Variants in CD300LF observed in about 807,000 individuals in gnomAD.
The protein encoded by CD300LF is CMRF35-like molecule 1.
In CD300LF, 27 loss-of-function variants were observed where a neutral mutation model predicts 32.2. The observed-to-expected ratio is 0.84, with a 90% confidence interval of 0.62 to 1.15. The LOEUF (loss-of-function observed/expected upper bound fraction) is 1.15. Among genes scored for constraint, CD300LF ranks in the 50% most tolerant of loss-of-function variants. The pLI is 0.00. For synonymous variants in CD300LF, 139 were observed against 143.2 expected, an observed-to-expected ratio of 0.97 and a Z score of 0.21; for missense variants, 348 against 356.8, an observed-to-expected ratio of 0.98 and a Z score of 0.20.
rs549266491 is a variant in CD300LF at position 74,702,200 on chromosome 17, G to A, written c.446+835C>T. ...TTGGCAGATCTAAAAACAAAGTCAA[G>A]AGGGCCAAGGAGAGTGAAAGGAAGA... On this transcript the variant is annotated intron_variant, in intron 3 of 6. Transcript: ENST00000326165. Among the ~76,000 whole-genome samples, 192 of 152,208 alleles carry A rather than the reference G, an allele frequency of 1.3e-3. 3 individuals carry two copies. Among genetic ancestry groups the A allele is most frequent in the Middle Eastern group, 0.01 (3 of 294 alleles).
intron 5 of CD300LF, 54 bp from the exon 6 acceptor site, chr17:74,695,913 T>C (rs1598202967): frequency 6.3e-7 from 1 of 1,580,482 alleles, no homozygotes; most frequent in African/African-American, 1.3e-5. Flanking sequence ...TGGACACAGG[T>C]TCCTTTTCCA....
At chr17:74,709,687 T>G (rs2033805630) in intron 1 of CD300LF, among the ~76,000 whole-genome samples, 2 of 151,914 alleles carry the variant, frequency 1.3e-5, no homozygotes, top group Admixed American at 1.3e-4. Context: ...TGCTGTAACC[T>G]CTTATGTAGC....
intron 3 of CD300LF, among the ~76,000 whole-genome samples, chr17:74,699,050 C>T (rs1171760684): frequency 2.6e-5 from 4 of 151,970 alleles, no homozygotes; most frequent in African/African-American, 7.3e-5. Context: ...TCCCAAGTAG[C>T]GGGGATTACA....
At chr17:74,703,278 A>G in intron 2 of CD300LF, 180 bp from the exon 3 acceptor site, 1 of 650,552 alleles carries the variant, frequency 1.5e-6, no homozygotes, top group Non-Finnish European at 2.6e-6. Context: ...AGCCTGGACC[A>G]CTCATGTCTC....
chr17:74,704,328 C>T, intron 2 of CD300LF, 150 bp downstream of exon 2: 1 of 635,734 alleles, frequency 1.6e-6, no homozygotes, highest in East Asian at 2.7e-5. Flanking sequence ...GGCCCTGCTC[C>T]CCCAGTCCCA....
In CD300LF at chr17:74,699,690, C is replaced by T. The variant is rs2032857893; in HGVS notation, c.447-1209G>A. On this transcript the variant is annotated intron_variant, in intron 3 of 6. Transcript: ENST00000326165. The stretch of plus-strand genomic sequence containing the variant: ...CTGGTGACACCTTGATTTCCAATTC[C>T]TGGCCTCCTTAGCTGTGAGAGAACG... Among the ~76,000 whole-genome samples, 3 of 152,174 alleles carry T rather than the reference C, an allele frequency of 2.0e-5. No homozygotes were observed. In the South Asian group the frequency reaches 6.2e-4, roughly 32 times the overall value.
chr17:74,706,576 G>C (rs145978585), intron 1 of CD300LF, among the ~76,000 whole-genome samples: 277 of 152,268 alleles, frequency 1.8e-3, no homozygotes, highest in African/African-American at 6.5e-3. Flanking sequence ...GCTGAGGCAA[G>C]AGAATCGCTT....
rs372574297 is a variant in CD300LF, at chr17:74,695,660, G to T, written c.717+65C>A. On this transcript the variant is annotated intron_variant, in intron 6 of 6. Transcript: ENST00000326165. ...AGCAGGAGAAAGCCCACCCTCCAAC[G>T]GGGTGCAACGGCAGGCCTGTGTCCC... 7.5e-6 allele frequency: 12 copies of T among 1,608,726 alleles called. No homozygotes were observed. In the East Asian group the frequency reaches 2.5e-4, roughly 33 times the overall value.
chr17:74,705,973 C>T (rs536226719), intron 1 of CD300LF, among the ~76,000 whole-genome samples: 16 of 152,270 alleles, frequency 1.1e-4, no homozygotes, highest in Non-Finnish European at 2.4e-4. Context: ...GGCCATTATC[C>T]TAAGTGAATT....
chr17:74,709,220 C>CAAA (rs1054719174), intron 1 of CD300LF, among the ~76,000 whole-genome samples: 6 of 128,526 alleles, frequency 4.7e-5, no homozygotes, highest in African/African-American at 1.7e-4. Flanking sequence ...AAGACTGACT[C>CAAA]AAAAAAAAAA....
At position 74,698,609 on chromosome 17, in the gene CD300LF, G is replaced by A. The variant is rs1279517622; in HGVS notation, c.447-128C>T. 9 of 1,496,732 alleles carry A rather than the reference G, an allele frequency of 6.0e-6. No individual in the cohort carries two copies. The East Asian group carries it at 1.5e-4, about 25-fold the overall frequency. 92.7% of individuals were successfully genotyped at this position (1,496,732 alleles called of 1,614,324 possible). Reference sequence around the variant, plus strand: ...CTGCAGGTCTGTAGTTTGCAGCCTGGGAACCCTCACTCCTGGGGATCCTCA... The same window carrying A: ...CTGCAGGTCTGTAGTTTGCAGCCTGAGAACCCTCACTCCTGGGGATCCTCA... On this transcript the variant is annotated intron_variant, in intron 3 of 6. Transcript: ENST00000326165.
Position 74,704,777 on chromosome 17 carries a change from A to G in CD300LF, c.83T>C (p.Val28Ala), listed in dbSNP as rs1440764865. ...CAAGGAGCCCCGCTCCAAGCCATTC[A>G]CTGTTGTTGGACCGGTGATTTGAGT... ...IVTQITGPTT[V>A]NGLERGSLTV... Residue 28 changes from valine to alanine, a missense_variant, in exon 2 of 7, where the codon GTG becomes GCG. Coordinates refer to ENST00000326165, the MANE Select transcript of CD300LF (RefSeq NM_139018.5). 1 of 1,614,044 alleles carries G rather than the reference A, an allele frequency of 6.2e-7. No individual in the cohort carries two copies.
At chr17:74,697,722 C>A (rs532942554) in intron 4 of CD300LF, among the ~76,000 whole-genome samples, 1 of 151,978 alleles carries the variant, frequency 6.6e-6, no homozygotes, top group African/African-American at 2.4e-5. Context: ...TAGACTCCTG[C>A]GCCAAGAGGC....
intron 3 of CD300LF, among the ~76,000 whole-genome samples, chr17:74,699,212 C>T (rs1291012297): frequency 6.6e-6 from 1 of 152,046 alleles, no homozygotes; most frequent in Non-Finnish European, 1.5e-5. Flanking sequence ...CCACAGCGCC[C>T]GGCCTTAACA....
At chr17:74,706,937 C>T (rs1022265984) in intron 1 of CD300LF, among the ~76,000 whole-genome samples, 10 of 152,288 alleles carry the variant, frequency 6.6e-5, no homozygotes, top group African/African-American at 2.4e-4. Context: ...ACATCCACGT[C>T]CAGAAGAATG....
At chr17:74,709,243 A>T (rs1451887539) in intron 1 of CD300LF, among the ~76,000 whole-genome samples, 1 of 152,084 alleles carries the variant, frequency 6.6e-6, no homozygotes, top group Non-Finnish European at 1.5e-5. Context: ...GAAAAAAGAA[A>T]ATCAATAAGG....
chr17:74,705,237 C>T (rs751534868), intron 1 of CD300LF: 25 of 702,142 alleles, frequency 3.6e-5, no homozygotes, highest in African/African-American at 5.2e-5. Flanking sequence ...CTCATGAGGT[C>T]GAGCTGAGGC....
In CD300LF at chr17:74,698,356, C is replaced by A; in HGVS notation, c.559+13G>T. On this transcript the variant is annotated intron_variant, in intron 4 of 6. Coordinates refer to ENST00000326165, the MANE Select transcript of CD300LF (RefSeq NM_139018.5). ...GGCCCAGTCTCAGCCCAGCCTCACC[C>A]AGGTCCTCTCACCTTTCTGCTGGTA... 2 of 1,590,360 alleles carry A rather than the reference C, an allele frequency of 1.3e-6. No individual in the cohort carries two copies. Among genetic ancestry groups the A allele is most frequent in the South Asian group, 2.2e-5 (2 of 90,462 alleles).
At chr17:74,707,199 C>A (rs976103817) in intron 1 of CD300LF, among the ~76,000 whole-genome samples, 2 of 152,158 alleles carry the variant, frequency 1.3e-5, no homozygotes, top group Non-Finnish European at 2.9e-5. Flanking sequence ...GAAGCGACAA[C>A]CTACAGAGTG....
Sources: gnomAD v4.1 joint callset for allele counts (sites outside exome capture counted in the v4.1 genomes callset) on GRCh38, gnomAD v4.1.1 for gene constraint, MANE v1.5 for transcripts, NCBI Gene and HGNC (gene_info 2026-07-23, HGNC 2026-07-21) for gene names.